Variants in PKP1 observed in about 807,000 individuals in gnomAD.
PKP1 encodes plakophilin-1.
Under a neutral mutation model 76.4 loss-of-function variants are expected in PKP1, and 27 were observed. That is an observed-to-expected ratio of 0.35 (90% confidence interval 0.26 to 0.49). The LOEUF (loss-of-function observed/expected upper bound fraction) is 0.49. Ranked by LOEUF, PKP1 falls within the 20% of genes least tolerant of loss-of-function variation. The probability of loss-of-function intolerance (pLI) is 0.99; values close to 1 mark genes in which losing one functional copy is unlikely to be tolerated. For missense variants in PKP1, 964 were observed against 955.2 expected (o/e 1.01, Z -0.12); for synonymous variants, 404 against 384.2 (o/e 1.05, Z -0.60).
chr1:201,294,225 G>A (rs1656012794), intron 2 of PKP1, among the ~76,000 whole-genome samples, 180 bp downstream of exon 2: 2 of 152,314 alleles, frequency 1.3e-5, no homozygotes, highest in Non-Finnish European at 2.9e-5. Flanking sequence ...GGTGGCTCTC[G>A]TTTGGGCTGA....
Position 201,325,060 on chromosome 1 carries a change from C to A in PKP1, c.1954C>A (p.Pro652Thr). 1 of 1,614,044 alleles carries A rather than the reference C, an allele frequency of 6.2e-7. No homozygotes were observed. Among genetic ancestry groups the A allele is most frequent in the Non-Finnish European group, 8.5e-7 (1 of 1,180,030 alleles). The stretch of plus-strand genomic sequence containing the variant: ...TGTGAGGAACCTGATGGCCTCGCAG[C>A]CACAACTGGCCAAGCAGTACTTCTC... ...YTVRNLMASQ[P>T]QLAKQYFSSS... The change falls in exon 11 of 14, where the codon CCA (proline) becomes ACA (threonine). Residue 652 changes from proline (P) to threonine (T), a missense_variant. Pro to Thr is a conservative substitution (Grantham distance 38). Transcript: ENST00000367324.
At chr1:201,306,021 C>G (rs1722765) in intron 2 of PKP1, among the ~76,000 whole-genome samples, 29,113 of 152,114 alleles carry the variant, frequency 0.19, 2,862 homozygotes, top group East Asian at 0.23. Flanking sequence ...CTCCACCACT[C>G]GGGCTGTGAG....
In PKP1 at chr1:201,317,647, G is replaced by T; in HGVS notation, c.922G>T (p.Ala308Ser). Residue 308 changes from alanine (A) to serine (S), a missense_variant, in exon 5 of 14, where the codon GCA becomes TCA. Transcript: ENST00000367324. ...CAACCAGAACGTCCAGCAGGCCGCG[G>T]CAGGGGCCCTGCGCAACCTGGTGTT... ...SPNQNVQQAA[A>S]GALRNLVFRS... 1 of 1,614,022 alleles carries T rather than the reference G, an allele frequency of 6.2e-7. No homozygotes were observed.
rs1271921485 is a variant in PKP1 at position 201,283,757 on chromosome 1, G to A, written c.55G>A (p.Asp19Asn). The A allele has an allele frequency of 6.2e-7, 1 of 1,614,168 alleles. No homozygotes were observed. The highest frequency in any genetic ancestry group is 8.5e-7 in the Non-Finnish European group (1 of 1,179,998). ...GGCGTACGAATGCTTCCAGGACCAGGACAACTCCACGTTGGCTTTGCCGTC... is the reference window on the plus strand; with the variant it reads ...GGCGTACGAATGCTTCCAGGACCAGAACAACTCCACGTTGGCTTTGCCGTC... ...ALAYECFQDQ[D>N]NSTLALPSDQ... The change falls in exon 1 of 14, where the codon GAC becomes AAC. Residue 19 changes from aspartate to asparagine, a missense_variant. Transcript: ENST00000367324.
chr1:201,303,091 A>C (rs933963291), intron 2 of PKP1, among the ~76,000 whole-genome samples: 6 of 152,248 alleles, frequency 3.9e-5, no homozygotes, highest in African/African-American at 1.4e-4. Context: ...CGTCATTTGC[A>C]TTCTACTGTC....
Position 201,324,590 on chromosome 1 carries a change from CCTCT to C in PKP1, c.1834+15_1834+18del. On this transcript the variant is annotated intron_variant, in intron 10 of 13. Transcript: ENST00000367324. ...GCTGCACAGAGTGATGGGTAAGGTC[CCTCT>C]CTCTCCTCCCCCTCTAGCTAAGACA... 6.2e-7 allele frequency: 1 copy of C among 1,613,894 alleles called. No homozygotes were observed. The highest frequency in any genetic ancestry group is 8.5e-7 in the Non-Finnish European group (1 of 1,179,880).
chr1:201,322,625 C>T (rs1395940956), intron 8 of PKP1, among the ~76,000 whole-genome samples: 1 of 152,156 alleles, frequency 6.6e-6, no homozygotes, highest in Non-Finnish European at 1.5e-5. Flanking sequence ...CCCTCTTTGG[C>T]CCAGGGTGGG....
intron 12 of PKP1, chr1:201,328,292 C>T (rs745827786): frequency 3.5e-6 from 1 of 288,424 alleles, no homozygotes; most frequent in Non-Finnish European, 6.7e-6. Flanking sequence ...ACAGAACCTT[C>T]TAGCACAGCG....
chr1:201,283,850 A>G lies in PKP1; in HGVS notation c.148A>G (p.Lys50Glu). The G allele has an allele frequency of 1.2e-6, 2 of 1,614,180 alleles. No individual in the cohort carries two copies. Among genetic ancestry groups the G allele is most frequent in the Non-Finnish European group, 1.7e-6 (2 of 1,180,000 alleles). Residue 50 changes from lysine to glutamate, a missense_variant, in exon 1 of 14, where the codon AAG becomes GAG. Coordinates refer to ENST00000367324, the MANE Select transcript of PKP1 (RefSeq NM_001005337.3). ...GCAGGAGCAGGTGATGATGACCGTCAAGCGGCAGAAGTCCAAGTCTTCCCA... is the reference window on the plus strand; with the variant it reads ...GCAGGAGCAGGTGATGATGACCGTCGAGCGGCAGAAGTCCAAGTCTTCCCA... ...RVQEQVMMTV[K>E]RQKSKSSQSS...
At chr1:201,298,055 T>C (rs700473) in intron 2 of PKP1, among the ~76,000 whole-genome samples, 30,762 of 147,894 alleles carry the variant, frequency 0.21, 3,143 homozygotes, top group East Asian at 0.24. Context: ...CCTCTGTCAC[T>C]ATGTCTCCCC....
At position 201,315,377 on chromosome 1, in the gene PKP1, T is replaced by G. The variant is rs547720196; in HGVS notation, c.702-1176T>G. On this transcript the variant is annotated intron_variant, in intron 3 of 13. Transcript: ENST00000367324. Reference sequence around the variant, plus strand: ...GGGCTGCTATAGCTAAAACCATGGGTATTTATTGACCACCAAGTATGTCAA... The same window carrying G: ...GGGCTGCTATAGCTAAAACCATGGGGATTTATTGACCACCAAGTATGTCAA... Among the ~76,000 whole-genome samples, 18 of 152,320 alleles carry G rather than the reference T, an allele frequency of 1.2e-4. No homozygotes were observed. In the South Asian group the frequency reaches 3.7e-3, roughly 32 times the overall value.
intron 2 of PKP1, among the ~76,000 whole-genome samples, chr1:201,310,964 C>T (rs1380212549): frequency 6.6e-6 from 1 of 152,216 alleles, no homozygotes. Flanking sequence ...GAAAGCAAAG[C>T]CCAAAGCCTC....
intron 8 of PKP1, 105 bp from the exon 9 acceptor site, chr1:201,322,908 T>G (rs1779289): frequency 8.0e-7 from 1 of 1,254,958 alleles, no homozygotes; most frequent in South Asian, 1.4e-5. Context: ...GCTTGCCCTA[T>G]CTGGAACCAC....
chr1:201,292,567 C>T (rs1356715101), intron 1 of PKP1, among the ~76,000 whole-genome samples: 1 of 152,094 alleles, frequency 6.6e-6, no homozygotes, highest in African/African-American at 2.4e-5. Flanking sequence ...CAAAGCTGCC[C>T]CTTGGCTATT....
At chr1:201,328,574 C>G (rs1657217311) in intron 12 of PKP1, 188 bp from the exon 13 acceptor site, 1 of 657,320 alleles carries the variant, frequency 1.5e-6, no homozygotes, top group Non-Finnish European at 2.8e-6. Flanking sequence ...ATTGCACCGA[C>G]TCATGGAGAG....
intron 1 of PKP1, among the ~76,000 whole-genome samples, chr1:201,291,222 T>C (rs1302930379): frequency 6.6e-6 from 1 of 152,142 alleles, no homozygotes; most frequent in African/African-American, 2.4e-5. Context: ...GTTACCCTCA[T>C]TCTCACCAGA....
intron 3 of PKP1, among the ~76,000 whole-genome samples, chr1:201,314,434 C>T (rs1204544442): frequency 1.3e-5 from 2 of 152,106 alleles, no homozygotes; most frequent in African/African-American, 4.8e-5. Context: ...TGCACTCCAG[C>T]CTGGGCAACA....
At chr1:201,314,574 C>T (rs1194032579) in intron 3 of PKP1, among the ~76,000 whole-genome samples, 1 of 152,178 alleles carries the variant, frequency 6.6e-6, no homozygotes, top group Non-Finnish European at 1.5e-5. Context: ...ATGTGGAAGG[C>T]CATCACCCAG....
chr1:201,299,321 A>T (rs563042927), intron 2 of PKP1, among the ~76,000 whole-genome samples: 1 of 152,274 alleles, frequency 6.6e-6, no homozygotes, highest in South Asian at 2.1e-4. Flanking sequence ...AATGGATGAA[A>T]ATTCCTGTCT....
Sources: allele counts gnomAD v4.1 joint callset (sites outside exome capture counted in the v4.1 genomes callset), GRCh38; gene constraint gnomAD v4.1.1; transcripts MANE v1.5; gene names NCBI Gene and HGNC (gene_info 2026-07-23, HGNC 2026-07-21).